The following SND1 variants were observed in gnomAD, a reference collection of about 807,000 sequenced individuals.
SND1 encodes the protein staphylococcal nuclease and tudor domain containing 1, also known as staphylococcal nuclease domain-containing protein 1.
In SND1, 38 loss-of-function variants were observed where a neutral mutation model predicts 121.7. The observed-to-expected ratio is 0.31, with a 90% confidence interval of 0.24 to 0.41. The LOEUF is 0.41. SND1 is among the 10% of genes least tolerant of loss of function. The pLI, the probability that SND1 is intolerant of heterozygous loss-of-function variation, is 1.00. For missense variants in SND1, 868 were observed against 1,184.6 expected, an observed-to-expected ratio of 0.73 and a Z score of 3.92; for synonymous variants, 401 against 447.4, an observed-to-expected ratio of 0.90 and a Z score of 1.31.
At position 127,836,486 on chromosome 7, in the gene SND1, TTATGTCTTCTAATC is replaced by T. The variant is rs1472492059; in HGVS notation, c.1243-7836_1243-7823del. 9.2e-5 allele frequency among the ~76,000 whole-genome samples: 14 copies of T among 152,296 alleles called. No individual in the cohort carries two copies. The South Asian group carries it at 2.7e-3, about 29-fold the overall frequency. Reference sequence around the variant, plus strand: ...GGAGAGTTAGGAAGGGAGCATTGGTTTATGTCTTCTAATCTTTGTAGCATAGATGAGACAACAAA... The same window carrying T: ...GGAGAGTTAGGAAGGGAGCATTGGTTTTTGTAGCATAGATGAGACAACAAA... On this transcript the variant is annotated intron_variant, in intron 11 of 23. Transcript: ENST00000354725.
Position 127,904,956 on chromosome 7 carries a change from C to T in SND1, c.1527+137C>T, listed in dbSNP as rs1028672201. On this transcript the variant is annotated intron_variant, in intron 14 of 23. Transcript: ENST00000354725. The stretch of plus-strand genomic sequence containing the variant: ...CACTGACTGTGACTTTTCCCCACCC[C>T]GGGGCATCTACTTAGGTATCTATAG... 16 of 608,342 alleles carry T rather than the reference C, an allele frequency of 2.6e-5. No individual in the cohort carries two copies. The East Asian group carries it at 3.9e-4, about 15-fold the overall frequency. 37.7% of individuals were successfully genotyped at this position (608,342 alleles called of 1,614,324 possible).
chr7:127,855,200 C>A (rs977812155), intron 12 of SND1, among the ~76,000 whole-genome samples: 1 of 152,020 alleles, frequency 6.6e-6, no homozygotes, highest in African/African-American at 2.4e-5. Flanking sequence ...CTCACTGCAG[C>A]CTCAATCTCT....
chr7:127,789,392 G>A (rs777308124), intron 10 of SND1, among the ~76,000 whole-genome samples: 3 of 152,094 alleles, frequency 2.0e-5, no homozygotes, highest in Admixed American at 1.3e-4. Context: ...GCATAAATGC[G>A]AGCCTAGCCC....
At chr7:127,786,804 C>CT (rs1563013156) in intron 10 of SND1, among the ~76,000 whole-genome samples, 3 of 152,052 alleles carry the variant, frequency 2.0e-5, no homozygotes, top group Non-Finnish European at 4.4e-5. Flanking sequence ...CCACCATGCC[C>CT]GGCTAATTTT....
intron 16 of SND1, among the ~76,000 whole-genome samples, chr7:128,065,952 G>T (rs940326837): frequency 1.4e-4 from 21 of 152,218 alleles, no homozygotes; most frequent in African/African-American, 5.1e-4. Flanking sequence ...CCTCAGGGAA[G>T]AGTGTTAAAT....
chr7:127,742,165 T>C (rs1267117114), intron 10 of SND1, among the ~76,000 whole-genome samples: 2 of 152,182 alleles, frequency 1.3e-5, no homozygotes, highest in African/African-American at 2.4e-5. Flanking sequence ...TTAGCATTAG[T>C]GTGAAAGTCT....
intron 18 of SND1, among the ~76,000 whole-genome samples, chr7:128,084,171 C>T (rs996419078): frequency 1.3e-5 from 2 of 152,212 alleles, no homozygotes; most frequent in African/African-American, 4.8e-5. Context: ...AATTCCTCCC[C>T]CACCTTCCAT....
At chr7:127,824,849 T>A (rs575306402) in intron 11 of SND1, among the ~76,000 whole-genome samples, 1 of 152,198 alleles carries the variant, frequency 6.6e-6, no homozygotes, top group South Asian at 2.1e-4. Flanking sequence ...AATCTTCATC[T>A]TCTTTGTGAC....
intron 12 of SND1, among the ~76,000 whole-genome samples, chr7:127,868,716 A>G (rs527332149): frequency 6.6e-6 from 1 of 152,236 alleles, no homozygotes; most frequent in African/African-American, 2.4e-5. Context: ...CTAAAGCCAG[A>G]CTTGGAATTT....
At position 127,847,695 on chromosome 7, in the gene SND1, T is replaced by G. The variant is rs192587704; in HGVS notation, c.1343+3271T>G. Reference sequence around the variant, plus strand: ...TGCAGCTACTTTAAAGCCTTTCCTCTTTATTAAATTTTTTAAAGCATGTGT... The same window carrying G: ...TGCAGCTACTTTAAAGCCTTTCCTCGTTATTAAATTTTTTAAAGCATGTGT... On this transcript the variant is annotated intron_variant, in intron 12 of 23. Transcript: ENST00000354725. Among the ~76,000 whole-genome samples the G allele has an allele frequency of 9.1e-4, 139 of 152,366 alleles. 1 individual carries two copies. Among genetic ancestry groups the G allele is most frequent in the Middle Eastern group, 3.4e-3 (1 of 294 alleles).
intron 12 of SND1, among the ~76,000 whole-genome samples, chr7:127,878,159 A>G (rs1458132120): frequency 6.6e-6 from 1 of 152,068 alleles, no homozygotes; most frequent in Admixed American, 6.6e-5. Context: ...TCCTCCTCCC[A>G]TGAGGAAGAA....
chr7:128,088,968 T>G (rs1307913564), intron 21 of SND1, among the ~76,000 whole-genome samples: 1 of 152,100 alleles, frequency 6.6e-6, no homozygotes, highest in Non-Finnish European at 1.5e-5. Context: ...AGTCTCTGGC[T>G]GAGGGCAAGG....
intron 12 of SND1, among the ~76,000 whole-genome samples, chr7:127,880,877 G>C (rs1427723015): frequency 1.3e-5 from 2 of 152,110 alleles, no homozygotes; most frequent in Non-Finnish European, 2.9e-5. Context: ...GTCTCCCACA[G>C]CGCAGGGAGG....
intron 1 of SND1, among the ~76,000 whole-genome samples, chr7:127,660,219 A>T (rs1206355282): frequency 6.6e-6 from 1 of 152,118 alleles, no homozygotes; most frequent in Non-Finnish European, 1.5e-5. Flanking sequence ...ACCCAGAGGA[A>T]CATGGTTCTA....
chr7:127,790,606 A>C (rs1047035790), intron 10 of SND1, among the ~76,000 whole-genome samples: 2 of 152,150 alleles, frequency 1.3e-5, no homozygotes, highest in African/African-American at 4.8e-5. Context: ...ACTCTTTTGA[A>C]TTGCTTTGAG....
At chr7:127,744,920 C>T (rs1796950711) in intron 10 of SND1, among the ~76,000 whole-genome samples, 2 of 152,222 alleles carry the variant, frequency 1.3e-5, no homozygotes, top group African/African-American at 4.8e-5. Context: ...TAAGTATTGT[C>T]TAACTTGCAT....
At chr7:127,818,503 C>A (rs1053621102) in intron 11 of SND1, among the ~76,000 whole-genome samples, 7 of 152,352 alleles carry the variant, frequency 4.6e-5, no homozygotes, top group Admixed American at 4.6e-4. Flanking sequence ...TGGACCTTGA[C>A]TGAACCCTGC....
intron 10 of SND1, among the ~76,000 whole-genome samples, chr7:127,740,923 A>G (rs1796870186): frequency 6.6e-6 from 1 of 152,254 alleles, no homozygotes; most frequent in Non-Finnish European, 1.5e-5. Flanking sequence ...ATATAAAGTA[A>G]TCATATTCTT....
chr7:128,032,240 G>C (rs1195195553), intron 16 of SND1: 1 of 148,224 alleles, frequency 6.7e-6, no homozygotes, highest in East Asian at 2.0e-4. Context: ...GGCCGGCGCC[G>C]CGCAGCCCCG....
Sources: gnomAD v4.1 joint callset for allele counts (sites outside exome capture counted in the v4.1 genomes callset) on GRCh38, gnomAD v4.1.1 for gene constraint, MANE v1.5 for transcripts, NCBI Gene and HGNC (gene_info 2026-07-23, HGNC 2026-07-21) for gene names.